ATP12A: variants seen among roughly 807,000 people sequenced by gnomAD.
ATP12A encodes the protein ATPase H+/K+ transporting non-gastric alpha2 subunit, also known as potassium-transporting ATPase alpha chain 2.
A neutral mutation model predicts 111.2 loss-of-function variants in ATP12A; 81 were observed. The ratio of observed to expected loss-of-function variants is 0.73; its 90% CI spans 0.61 to 0.88. ATP12A has a LOEUF of 0.88. ATP12A is among the 40% of genes least tolerant of loss of function. The pLI is 0.00. For missense variants in ATP12A, 1,196 were observed against 1,313.1 expected (o/e 0.91, Z 1.38); for synonymous variants, 498 against 499.8 (o/e 1.00, Z 0.05).
intron 11 of ATP12A, among the ~76,000 whole-genome samples, chr13:24,695,529 G>C (rs924465403): frequency 6.6e-6 from 1 of 151,084 alleles, no homozygotes; most frequent in African/African-American, 2.4e-5. Context: ...AACCACAACT[G>C]TACGTGTGGA....
chr13:24,691,786 G>T (rs1451862358), intron 8 of ATP12A, among the ~76,000 whole-genome samples: 1 of 152,136 alleles, frequency 6.6e-6, no homozygotes, highest in Non-Finnish European at 1.5e-5. Context: ...GGTCTCAAGG[G>T]GTAGGAGAGG....
intron 4 of ATP12A, among the ~76,000 whole-genome samples, 188 bp downstream of exon 4, chr13:24,688,710 A>C (rs1244891813): frequency 2.0e-5 from 3 of 152,212 alleles, no homozygotes; most frequent in African/African-American, 7.2e-5. Flanking sequence ...AGAGGGATAC[A>C]CAAAACACCT....
intron 3 of ATP12A, among the ~76,000 whole-genome samples, chr13:24,686,568 G>A (rs1274313613): frequency 1.3e-5 from 2 of 151,450 alleles, no homozygotes; most frequent in African/African-American, 2.4e-5. Context: ...GTGAAACCCC[G>A]TCTCTACTAA....
At chr13:24,695,982 T>C (rs1400693197) in intron 11 of ATP12A, among the ~76,000 whole-genome samples, 1 of 152,048 alleles carries the variant, frequency 6.6e-6, no homozygotes, top group Non-Finnish European at 1.5e-5. Flanking sequence ...GTTAGCTAAA[T>C]AGACAACTAA....
chr13:24,690,361 C>A lies in ATP12A; in HGVS notation c.570C>A (p.Ser190=). ...IPQQALVIRD[S]EKKTIPSEQL... Reference sequence around the variant, plus strand: ...AGCAAGCTCTCGTCATCCGAGATTCCGAGAAGAAGACCATCCCTTCAGAGC... The same window carrying A: ...AGCAAGCTCTCGTCATCCGAGATTCAGAGAAGAAGACCATCCCTTCAGAGC... Residue 190 remains serine (S), a synonymous_variant, in exon 6 of 23, where the codon TCC becomes TCA. Coordinates refer to ENST00000381946, the MANE Select transcript of ATP12A (RefSeq NM_001676.7). 6.2e-7 allele frequency: 1 copy of A among 1,613,154 alleles called. No individual in the cohort carries two copies. The highest frequency in any genetic ancestry group is 1.7e-4 in the Middle Eastern group (1 of 6,058).
In ATP12A at chr13:24,690,201, A is replaced by G. The variant is rs1176996846; in HGVS notation, c.547-137A>G. ...GTCCACAGGGCCAGGTGCAGGCTGC[A>G]TAACAGCATGGACTCAACAGTGAGA... On this transcript the variant is annotated intron_variant, in intron 5 of 22. Transcript: ENST00000381946. 4 of 1,354,960 alleles carry G rather than the reference A, an allele frequency of 3.0e-6. No individual in the cohort carries two copies. The East Asian group carries it at 9.2e-5, about 31-fold the overall frequency. 83.9% of individuals were successfully genotyped at this position (1,354,960 alleles called of 1,614,324 possible).
chr13:24,707,444 C>A lies in ATP12A; in HGVS notation c.2493+11C>A. 1.2e-6 allele frequency: 2 copies of A among 1,614,126 alleles called. No individual in the cohort carries two copies. Among genetic ancestry groups the A allele is most frequent in the Non-Finnish European group, 1.7e-6 (2 of 1,180,002 alleles). ...TTGGGGACAGACATTGTAAGTGACACTGAAGGGAACAGGCTGTGATGCCTG... is the reference window on the plus strand; with the variant it reads ...TTGGGGACAGACATTGTAAGTGACAATGAAGGGAACAGGCTGTGATGCCTG... On this transcript the variant is annotated intron_variant, in intron 17 of 22. Transcript: ENST00000381946.
Position 24,692,623 on chromosome 13 carries a change from T to C in ATP12A, c.1263T>C (p.His421=), listed in dbSNP as rs1328790197. Residue 421 remains histidine, a synonymous_variant, in exon 9 of 23, where the codon CAT becomes CAC. Coordinates refer to ENST00000381946, the MANE Select transcript of ATP12A (RefSeq NM_001676.7). ...QIFVADTSED[H]SNQVFDQSSR... ...TTGTGGCTGACACCAGTGAGGACCA[T>C]TCAAGTAAGTCTTATGGAGAGCTCG... 1.9e-6 allele frequency: 3 copies of C among 1,612,664 alleles called. 1 individual carries two copies. Among genetic ancestry groups the C allele is most frequent in the Admixed American group, 3.3e-5 (2 of 60,004 alleles).
intron 14 of ATP12A, among the ~76,000 whole-genome samples, chr13:24,702,862 G>T (rs1367004670): frequency 6.6e-6 from 1 of 152,192 alleles, no homozygotes; most frequent in African/African-American, 2.4e-5. Context: ...CAGGAGAGTG[G>T]CCTGGACTGT....
rs530346977 is a variant in ATP12A at position 24,701,425 on chromosome 13, C to A, written c.1881+503C>A. Among the ~76,000 whole-genome samples, 4 of 144,982 alleles carry A rather than the reference C, an allele frequency of 2.8e-5. No individual in the cohort carries two copies. The East Asian group carries it at 8.2e-4, about 30-fold the overall frequency. ...CTGAGGCAGGAGAATCTCTTGAATC[C>A]AGGAGGCAGAGGTTGCAGTGAGCCG... On this transcript the variant is annotated intron_variant, in intron 13 of 22. Transcript: ENST00000381946.
chr13:24,700,695 T>A (rs1043147738), intron 12 of ATP12A, 52 bp from the exon 13 acceptor site: 97 of 1,556,058 alleles, frequency 6.2e-5, no homozygotes, highest in Non-Finnish European at 7.9e-5. Flanking sequence ...CTCTTATTTT[T>A]TTTCGTTTCC....
intron 11 of ATP12A, among the ~76,000 whole-genome samples, chr13:24,694,859 TCTCACACA>T (rs376340048): frequency 1.3e-3 from 187 of 148,990 alleles, no homozygotes; most frequent in East Asian, 2.7e-3. Context: ...ACTCTCTCTC[TCTCACACA>T]CACACACACA....
intron 17 of ATP12A, among the ~76,000 whole-genome samples, chr13:24,708,946 A>AAGGAAGGAAGG (rs1875816947): frequency 6.0e-5 from 6 of 100,234 alleles, no homozygotes; most frequent in Non-Finnish European, 1.4e-4. Flanking sequence ...AGAAAGAAAG[A>AAGGAAGGAAGG]AAGAAAGAAA....
chr13:24,695,994 C>T (rs1445511276), intron 11 of ATP12A, among the ~76,000 whole-genome samples: 1 of 152,054 alleles, frequency 6.6e-6, no homozygotes, highest in East Asian at 1.9e-4. Flanking sequence ...GACAACTAAC[C>T]AGAAACATAT....
At chr13:24,682,073 G>A (rs1298095382) in intron 2 of ATP12A, among the ~76,000 whole-genome samples, 3 of 120,286 alleles carry the variant, frequency 2.5e-5, no homozygotes, top group Non-Finnish European at 5.3e-5. Flanking sequence ...TGTGTGTATG[G>A]TGTGTGTATG....
At position 24,685,169 on chromosome 13, in the gene ATP12A, G is replaced by T. The variant is rs1482664321; in HGVS notation, c.169-145G>T. 3 of 722,328 alleles carry T rather than the reference G, an allele frequency of 4.2e-6. No individual in the cohort carries two copies. Among genetic ancestry groups the T allele is most frequent in the South Asian group, 1.7e-5 (1 of 58,180 alleles). The allele number at this position is 722,328 out of a possible 1,614,324, so 44.7% of individuals were successfully genotyped here. A position where few individuals can be genotyped will look rare whatever the true frequency, so the allele number is the denominator to read the frequency against. On this transcript the variant is annotated intron_variant, in intron 2 of 22. Transcript: ENST00000381946. The surrounding 1 kb of genome is among the most constrained non-coding windows in gnomAD (Gnocchi z 5.5). ...CGCTGGGCAGCTGCCTGGCACAGGG[G>T]TTCTTTCTCTCCTGTCCCCCACACT... is the stretch of plus-strand genomic sequence containing the variant.
In ATP12A at chr13:24,681,624, G is replaced by A. The variant is rs143794717; in HGVS notation, c.72G>A (p.Lys24=). 5.6e-5 allele frequency: 90 copies of A among 1,614,082 alleles called. No individual in the cohort carries two copies. The highest frequency in any genetic ancestry group is 7.1e-5 in the Non-Finnish European group (84 of 1,180,042). The change falls in exon 2 of 23, where the codon AAG becomes AAA. Residue 24 remains lysine, a synonymous_variant. Transcript: ENST00000381946. ...CTAAGGACATCGTGAAAACAGACAA[G>A]GGGGATGGCAAGGAGAAGTATAGGG... The part of the protein sequence containing the change: ...SGTKDIVKTD[K]GDGKEKYRGL...
intron 4 of ATP12A, 137 bp downstream of exon 4, chr13:24,688,659 C>G (rs1335839207): frequency 1.2e-5 from 11 of 889,182 alleles, no homozygotes; most frequent in Non-Finnish European, 1.8e-5. Flanking sequence ...AACAGAAATT[C>G]TATCTGGCTT....
At chr13:24,695,963 A>G (rs1314336278) in intron 11 of ATP12A, among the ~76,000 whole-genome samples, 1 of 152,186 alleles carries the variant, frequency 6.6e-6, no homozygotes, top group African/African-American at 2.4e-5. Flanking sequence ...GAGCCAACAG[A>G]GAATCACAGT....
Sources: gnomAD v4.1 joint callset for allele counts (sites outside exome capture counted in the v4.1 genomes callset) on GRCh38, gnomAD v4.1.1 for gene constraint, Gnocchi (gnomAD v3.1) non-coding constraint, MANE v1.5 for transcripts, NCBI Gene and HGNC (gene_info 2026-07-23, HGNC 2026-07-21) for gene names.